The following USP39 variants were observed in gnomAD, a reference collection of about 807,000 sequenced individuals.
USP39 encodes ubiquitin carboxyl-terminal hydrolase 39.
Under a neutral mutation model 66.4 loss-of-function variants are expected in USP39, and 38 were observed. That is an observed-to-expected ratio of 0.57 (90% CI 0.44 to 0.75). The LOEUF is 0.75. Among genes scored for constraint, USP39 ranks in the 30% least tolerant of loss-of-function variants. USP39 has a pLI of 0.00. For missense variants in USP39, 608 were observed against 714.4 expected (o/e 0.85, Z 1.70); for synonymous variants, 303 against 274.6 (o/e 1.10, Z -1.02).
At position 85,644,970 on chromosome 2, in the gene USP39, T is replaced by A. The variant is rs1676526874; in HGVS notation, c.1450T>A (p.Leu484Met). The change falls in exon 11 of 13, where the codon TTG becomes ATG. Residue 484 changes from leucine to methionine, a missense_variant. Transcript: ENST00000323701. ...PITNVDLREY[L>M]SEEVQAVHKN... ...CAGAAATGTGGATCTGAGAGAATAC[T>A]TGTCTGAAGAAGTACAAGCAGTACA... is the stretch of plus-strand genomic sequence containing the variant. The A allele has an allele frequency of 6.2e-7, 1 of 1,614,006 alleles. No individual in the cohort carries two copies. Among genetic ancestry groups the A allele is most frequent in the Non-Finnish European group, 8.5e-7 (1 of 1,180,020 alleles).
chr2:85,618,923 C>A (rs1275305202), intron 1 of USP39, among the ~76,000 whole-genome samples: 2 of 152,112 alleles, frequency 1.3e-5, no homozygotes, highest in African/African-American at 2.4e-5. Flanking sequence ...GCACCCACCA[C>A]CATGCCTGGC....
Position 85,640,769 on chromosome 2 carries a change from G to A in USP39, c.1285-207G>A, listed in dbSNP as rs958596324. ...ATTATAGGTGTGAGCCACCAGGCCC[G>A]GCCTTTTTTTTTTTTTTTTTTTTTA... On this transcript the variant is annotated intron_variant, in intron 9 of 12. Transcript: ENST00000323701. Among the ~76,000 whole-genome samples the A allele has an allele frequency of 6.1e-5, 9 of 147,070 alleles. 1 individual carries two copies. Among genetic ancestry groups the A allele is most frequent in the Middle Eastern group, 6.6e-3 (2 of 304 alleles).
At position 85,619,600 on chromosome 2, in the gene USP39, A is replaced by G. The variant is rs1008157484; in HGVS notation, c.338+311A>G. On this transcript the variant is annotated intron_variant, in intron 2 of 12. Coordinates refer to ENST00000323701, the MANE Select transcript of USP39 (RefSeq NM_006590.4). Reference sequence around the variant, plus strand: ...ATACTATTTTGGGTGCCTGGGATTCAGCAGAAAAAAAACACAGAAATTTGT... The same window carrying G: ...ATACTATTTTGGGTGCCTGGGATTCGGCAGAAAAAAAACACAGAAATTTGT... Among the ~76,000 whole-genome samples the G allele has an allele frequency of 3.3e-5, 5 of 150,832 alleles. No individual in the cohort carries two copies. In the East Asian group the frequency reaches 9.7e-4, roughly 29 times the overall value.
intron 12 of USP39, 112 bp from the exon 13 acceptor site, chr2:85,648,649 A>G (rs1676826632): frequency 3.1e-6 from 4 of 1,304,928 alleles, no homozygotes; most frequent in Non-Finnish European, 4.4e-6. Flanking sequence ...GGTATAGCAG[A>G]TTTGTAAATG....
chr2:85,608,738 G>C, upstream of USP39: 2 of 168,864 alleles, frequency 1.2e-5, no homozygotes, highest in Non-Finnish European at 2.3e-5. Context: ...AAGAATTCCA[G>C]AATATCAGGC....
chr2:85,621,725 G>A, intron 3 of USP39, 146 bp downstream of exon 3: 1 of 678,078 alleles, frequency 1.5e-6, no homozygotes, highest in South Asian at 2.0e-5. Flanking sequence ...AAACCAATAA[G>A]AGGTTCTCTG....
chr2:85,639,101 C>G lies in USP39; in HGVS notation c.1096-102C>G, dbSNP rs1573440659. 3 of 1,234,020 alleles carry G rather than the reference C, an allele frequency of 2.4e-6. No individual in the cohort carries two copies. In the East Asian group the frequency reaches 7.7e-5, roughly 32 times the overall value. 76.4% of individuals were successfully genotyped at this position (1,234,020 alleles called of 1,614,324 possible). On this transcript the variant is annotated intron_variant, in intron 8 of 12. Transcript: ENST00000323701. ...AATCTCTCGGGCACTTCTCTTTGTT[C>G]TTTCAGATGAAGGAAATGTCGGCGT...
chr2:85,622,432 T>A (rs575704745), intron 3 of USP39, among the ~76,000 whole-genome samples: 221 of 152,046 alleles, frequency 1.5e-3, no homozygotes, highest in Non-Finnish European at 1.9e-3. Flanking sequence ...CACATTTTTT[T>A]AAAAGATGGG....
chr2:85,648,146 C>G (rs1156618736), intron 12 of USP39, 130 bp downstream of exon 12: 15 of 846,010 alleles, frequency 1.8e-5, no homozygotes, highest in Non-Finnish European at 2.8e-5. Context: ...TTGGGAAGTA[C>G]TTAGTAGTGA....
intron 11 of USP39, among the ~76,000 whole-genome samples, chr2:85,646,471 CAG>C (rs540215434): frequency 8.5e-4 from 130 of 152,312 alleles, no homozygotes; most frequent in African/African-American, 3.0e-3. Flanking sequence ...GACCTAGGCT[CAG>C]AGTTTCAGTA....
intron 1 of USP39, among the ~76,000 whole-genome samples, chr2:85,603,717 G>A (rs1201643374): frequency 6.6e-6 from 1 of 151,016 alleles, no homozygotes; most frequent in African/African-American, 2.4e-5. Context: ...TCAGCCTCCC[G>A]AGTAGCTGGG....
chr2:85,615,155 G>C (rs1456400860), upstream of USP39, among the ~76,000 whole-genome samples: 4 of 152,072 alleles, frequency 2.6e-5, no homozygotes, highest in Non-Finnish European at 4.4e-5. Context: ...TAAGTAGCTG[G>C]GTTAACAGGC....
intron 2 of USP39, among the ~76,000 whole-genome samples, chr2:85,619,610 A>G (rs1019875407): frequency 6.6e-6 from 1 of 151,026 alleles, no homozygotes. Flanking sequence ...AGCAGAAAAA[A>G]AACACAGAAA....
intron 9 of USP39, chr2:85,639,924 C>T (rs1573442873): frequency 1.3e-5 from 2 of 152,486 alleles, no homozygotes; most frequent in Non-Finnish European, 1.5e-5. Context: ...ATCACCTAGT[C>T]TGGGTGATCA....
rs192287510 is a variant in USP39, at chr2:85,631,794, G to A, written c.949+848G>A. The stretch of plus-strand genomic sequence containing the variant: ...GACCGAGTCTTGCTTCATTGCCCAG[G>A]CTGGAGTGCAGTGGTGTGATCTCTG... On this transcript the variant is annotated intron_variant, in intron 6 of 12. Transcript: ENST00000323701. 3.9e-4 allele frequency among the ~76,000 whole-genome samples: 60 copies of A among 152,140 alleles called. No homozygotes were observed. The East Asian group carries it at 0.011, about 28-fold the overall frequency.
At position 85,648,837 on chromosome 2, in the gene USP39, G is replaced by A. The variant is rs755098384; in HGVS notation, c.*29G>A. The A allele has an allele frequency of 1.2e-5, 19 of 1,613,054 alleles. No homozygotes were observed. The highest frequency in any genetic ancestry group is 1.7e-4 in the Middle Eastern group (1 of 5,982). On this transcript the variant is annotated 3_prime_UTR_variant, in exon 13 of 13. Transcript: ENST00000323701. ...AGGCGTCTAGGGCTTTGCTCCCAAG[G>A]GCTGTGGCTGATGATGGTAAATAAG... is the stretch of plus-strand genomic sequence containing the variant.
rs748667082 is a variant in USP39 at position 85,625,625 on chromosome 2, T to G, written c.657T>G (p.Thr219=). The G allele has an allele frequency of 1.9e-6, 3 of 1,614,044 alleles. No homozygotes were observed. Among genetic ancestry groups the G allele is most frequent in the South Asian group, 1.1e-5 (1 of 91,082 alleles). Residue 219 remains threonine (T), a synonymous_variant, in exon 5 of 13, where the codon ACT becomes ACG. Coordinates refer to ENST00000323701, the MANE Select transcript of USP39 (RefSeq NM_006590.4). ...TGTCCCGGGCATATGATGGTACCAC[T>G]TACCTGCCGGGTATTGTGGGACTGA... ...AKLSRAYDGT[T]YLPGIVGLNN...
chr2:85,621,453 C>G (rs912416029), intron 2 of USP39, 32 bp from the exon 3 acceptor site: 2 of 1,598,074 alleles, frequency 1.3e-6, no homozygotes, highest in Admixed American at 3.3e-5. Context: ...ACATGTCCAT[C>G]CTATTTATTT....
intron 5 of USP39, among the ~76,000 whole-genome samples, chr2:85,629,353 G>A (rs376828478): frequency 6.6e-6 from 1 of 151,824 alleles, no homozygotes; most frequent in East Asian, 2.0e-4. Context: ...GAACCATCGC[G>A]CCTAGACCCC....
Sources: gnomAD v4.1 joint callset for allele counts (sites outside exome capture counted in the v4.1 genomes callset) on GRCh38, gnomAD v4.1.1 for gene constraint, MANE v1.5 for transcripts, NCBI Gene and HGNC (gene_info 2026-07-23, HGNC 2026-07-21) for gene names.